The following ALK variants were observed in gnomAD, a reference collection of about 807,000 sequenced individuals.
ALK encodes ALK tyrosine kinase receptor.
Under a neutral mutation model 163.1 loss-of-function variants are expected in ALK, and 74 were observed. The observed-to-expected ratio is 0.45, with a 90% CI of 0.38 to 0.55. The LOEUF (loss-of-function observed/expected upper bound fraction) is 0.55. Ranked by LOEUF, ALK falls within the 20% of genes least tolerant of loss-of-function variation. The pLI is 0.00. For synonymous variants in ALK, 960 were observed against 843.2 expected (o/e 1.14, Z -2.40); for missense variants, 2,063 against 2,105.3 (o/e 0.98, Z 0.39).
rs34822307 is a variant in ALK at position 29,892,523 on chromosome 2, G to A, written c.667+27470C>T. On this transcript the variant is annotated intron_variant, in intron 1 of 28. Coordinates refer to ENST00000389048, the MANE Select transcript of ALK (RefSeq NM_004304.5). Reference sequence around the variant, plus strand: ...AATAATTGCTTCTAATCACTTATCTGCACTAAACCCTGTGCTAAGCACTTT... The same window carrying A: ...AATAATTGCTTCTAATCACTTATCTACACTAAACCCTGTGCTAAGCACTTT... Among the ~76,000 whole-genome samples the A allele has an allele frequency of 1.5e-3, 226 of 152,232 alleles. 1 individual carries two copies. The highest frequency in any genetic ancestry group is 4.9e-3 in the African/African-American group (202 of 41,538).
intron 4 of ALK, among the ~76,000 whole-genome samples, chr2:29,455,829 G>A (rs1670936816): frequency 6.6e-6 from 1 of 152,152 alleles, no homozygotes; most frequent in Admixed American, 6.5e-5. Context: ...CCATCTTTGG[G>A]TGGCTCTTGA....
intron 3 of ALK, among the ~76,000 whole-genome samples, chr2:29,629,099 T>C (rs1469542047): frequency 6.6e-6 from 1 of 152,174 alleles, no homozygotes; most frequent in Admixed American, 6.5e-5. Context: ...TGCCTAGTTC[T>C]GCATACACAA....
chr2:29,305,554 T>C (rs998205621), intron 8 of ALK, among the ~76,000 whole-genome samples: 1 of 152,226 alleles, frequency 6.6e-6, no homozygotes, highest in African/African-American at 2.4e-5. Context: ...TTCATTTCCC[T>C]TACACAGTCC....
At chr2:29,702,025 A>C (rs1198940489) in intron 2 of ALK, among the ~76,000 whole-genome samples, 1 of 152,076 alleles carries the variant, frequency 6.6e-6, no homozygotes, top group Non-Finnish European at 1.5e-5. Context: ...GCAGTGAGGC[A>C]GGAAACAGTG....
At position 29,373,028 on chromosome 2, in the gene ALK, C is replaced by T. The variant is rs768007187; in HGVS notation, c.1282+10704G>A. Reference sequence around the variant, plus strand: ...AGGAACGATTCCAGAGAGCTCTTAGCGACCTAAAGAGAAAACATCTTCCCA... The same window carrying T: ...AGGAACGATTCCAGAGAGCTCTTAGTGACCTAAAGAGAAAACATCTTCCCA... On this transcript the variant is annotated intron_variant, in intron 5 of 28. Coordinates refer to ENST00000389048, the MANE Select transcript of ALK (RefSeq NM_004304.5). Among the ~76,000 whole-genome samples the T allele has an allele frequency of 5.1e-4, 77 of 152,238 alleles. 1 individual carries two copies. The highest frequency in any genetic ancestry group is 8.8e-4 in the Non-Finnish European group (60 of 68,022).
intron 11 of ALK, among the ~76,000 whole-genome samples, chr2:29,258,474 T>C (rs1665006132): frequency 6.6e-6 from 1 of 152,260 alleles, no homozygotes; most frequent in Non-Finnish European, 1.5e-5. Context: ...CCCAATCTAC[T>C]ATTTGGGTTA....
At chr2:29,591,712 G>C (rs1675064809) in intron 3 of ALK, among the ~76,000 whole-genome samples, 1 of 152,026 alleles carries the variant, frequency 6.6e-6, no homozygotes, top group African/African-American at 2.4e-5. Flanking sequence ...GAGAGAGGGG[G>C]CCTGGTAAGA....
At chr2:29,398,194 C>T (rs10189755) in intron 4 of ALK, among the ~76,000 whole-genome samples, 61,675 of 151,964 alleles carry the variant, frequency 0.41, 13,386 homozygotes, top group South Asian at 0.56. Flanking sequence ...GCGTTTCCTC[C>T]CATCTTCTCA....
intron 1 of ALK, among the ~76,000 whole-genome samples, chr2:29,896,017 C>G (rs906380738): frequency 6.6e-6 from 1 of 152,118 alleles, no homozygotes; most frequent in African/African-American, 2.4e-5. Context: ...CTGAATGTGT[C>G]CCTAGGATCC....
intron 1 of ALK, among the ~76,000 whole-genome samples, chr2:29,807,665 T>C (rs1664656315): frequency 6.6e-6 from 1 of 152,214 alleles, no homozygotes; most frequent in African/African-American, 2.4e-5. Flanking sequence ...AATGGAAATA[T>C]AAATGGTTAA....
chr2:29,364,103 C>T (rs1668447665), intron 5 of ALK, among the ~76,000 whole-genome samples: 1 of 152,128 alleles, frequency 6.6e-6, no homozygotes, highest in Non-Finnish European at 1.5e-5. Context: ...TACTAATATT[C>T]TACATTGAAT....
chr2:29,758,847 C>T (rs1680615495), intron 1 of ALK, among the ~76,000 whole-genome samples: 1 of 151,656 alleles, frequency 6.6e-6, no homozygotes, highest in Non-Finnish European at 1.5e-5. Context: ...AAAGCCTGTT[C>T]TCCTTTCATT....
At chr2:29,751,006 G>A (rs1680350498) in intron 1 of ALK, among the ~76,000 whole-genome samples, 1 of 152,230 alleles carries the variant, frequency 6.6e-6, no homozygotes, top group South Asian at 2.1e-4. Flanking sequence ...GGAGGCAGAG[G>A]TTGCAGTAAG....
intron 8 of ALK, among the ~76,000 whole-genome samples, chr2:29,302,781 T>C (rs1213204748): frequency 6.6e-6 from 1 of 152,186 alleles, no homozygotes. Flanking sequence ...TCCAGGCAGA[T>C]GTTCTTCCTC....
At chr2:29,535,130 T>C (rs962708034) in intron 3 of ALK, among the ~76,000 whole-genome samples, 103 of 152,326 alleles carry the variant, frequency 6.8e-4, no homozygotes, top group Non-Finnish European at 1.8e-4. Flanking sequence ...TCAGGATAGC[T>C]TGGGGCTAGG....
chr2:29,362,468 C>A (rs1408208577), intron 5 of ALK, among the ~76,000 whole-genome samples: 1 of 152,152 alleles, frequency 6.6e-6, no homozygotes, highest in Non-Finnish European at 1.5e-5. Context: ...TGTGGAAAGA[C>A]CCTCCTAAGA....
At chr2:29,591,525 G>C (rs923416348) in intron 3 of ALK, among the ~76,000 whole-genome samples, 8 of 152,152 alleles carry the variant, frequency 5.3e-5, no homozygotes, top group Admixed American at 5.2e-4. Flanking sequence ...ACTAAAAAGA[G>C]GGAAGAATAT....
intron 4 of ALK, among the ~76,000 whole-genome samples, chr2:29,422,252 C>G (rs939840002): frequency 1.3e-4 from 19 of 148,460 alleles, no homozygotes. Context: ...CAGTTCCCAG[C>G]AAAATCAAGT....
At chr2:29,765,985 T>G (rs1458555573) in intron 1 of ALK, among the ~76,000 whole-genome samples, 1 of 152,224 alleles carries the variant, frequency 6.6e-6, no homozygotes, top group Non-Finnish European at 1.5e-5. Context: ...CATATATAAT[T>G]TGAAGTGAAA....
Sources: gnomAD v4.1 joint callset for allele counts (sites outside exome capture counted in the v4.1 genomes callset) on GRCh38, gnomAD v4.1.1 for gene constraint, MANE v1.5 for transcripts, NCBI Gene and HGNC (gene_info 2026-07-23, HGNC 2026-07-21) for gene names.